The following CROCC variants were observed in gnomAD, a reference collection of about 807,000 sequenced individuals.
The protein encoded by CROCC is ciliary rootlet coiled-coil, rootletin.
In CROCC, 180 loss-of-function variants were observed where a neutral mutation model predicts 245.2. That is an observed-to-expected ratio of 0.73 (90% CI 0.65 to 0.83). The LOEUF (loss-of-function observed/expected upper bound fraction) is 0.83. Ranked by LOEUF, CROCC falls within the 40% of genes least tolerant of loss-of-function variation. CROCC has a pLI of 0.00. For missense variants in CROCC, 2,688 were observed against 2,779.4 expected, an observed-to-expected ratio of 0.97 and a Z score of 0.74; for synonymous variants, 1,205 against 1,241.6, an observed-to-expected ratio of 0.97 and a Z score of 0.62.
In CROCC at chr1:16,969,243, T is replaced by G. The variant is rs556066431; in HGVS notation, c.5204T>G (p.Leu1735Arg). 1 of 1,613,440 alleles carries G rather than the reference T, an allele frequency of 6.2e-7. No homozygotes were observed. Among genetic ancestry groups the G allele is most frequent in the South Asian group, 1.1e-5 (1 of 91,004 alleles). The change falls in exon 32 of 37, where the codon CTG (leucine) becomes CGG (arginine). Residue 1735 changes from leucine to arginine, a missense_variant. Transcript: ENST00000375541. ...RDKVRGLTEA[L>R]AQSSASLNST... ...AAGGTGCGGGGCCTGACAGAGGCCC[T>G]GGCCCAGAGCAGTGCCAGCCTCAAC...
intron 8 of CROCC, among the ~76,000 whole-genome samples, chr1:16,935,660 G>A (rs1294822675): frequency 6.6e-6 from 1 of 152,276 alleles, no homozygotes; most frequent in African/African-American, 2.4e-5. Context: ...TCCCGACCTC[G>A]TGATCCGCCC....
intron 35 of CROCC, among the ~76,000 whole-genome samples, chr1:16,971,192 CTGTG>C (rs1252442821): frequency 1.3e-5 from 2 of 148,492 alleles, no homozygotes; most frequent in African/African-American, 5.0e-5. Flanking sequence ...GCCTTTGTGC[CTGTG>C]TGTATGATGT....
rs774117686 is a variant in CROCC, at chr1:16,953,285, C to T, written c.3007-17C>T. 1.9e-5 allele frequency: 30 copies of T among 1,563,888 alleles called. No homozygotes were observed. The highest frequency in any genetic ancestry group is 1.2e-4 in the South Asian group (10 of 85,548). ...CCCCTCCTGGTGTGTCACAGGCATC[C>T]GGTCCTGGCCCCCTAGGAGGCAGCA... On this transcript the variant is annotated splice_polypyrimidine_tract_variant and intron_variant, in intron 20 of 36. Transcript: ENST00000375541.
At position 16,925,016 on chromosome 1, in the gene CROCC, G is replaced by T. The variant is rs2075501481; in HGVS notation, c.351+537G>T. On this transcript the variant is annotated intron_variant, in intron 3 of 36. Coordinates refer to ENST00000375541, the MANE Select transcript of CROCC (RefSeq NM_014675.5). Reference sequence around the variant, plus strand: ...CAGGCCTGTCTTCATGTCCAGGCAGGATTCACATCACCCGTGCTGCAGGCT... The same window carrying T: ...CAGGCCTGTCTTCATGTCCAGGCAGTATTCACATCACCCGTGCTGCAGGCT... Among the ~76,000 whole-genome samples the T allele has an allele frequency of 2.0e-5, 3 of 152,410 alleles. No individual in the cohort carries two copies. The South Asian group carries it at 6.2e-4, about 32-fold the overall frequency.
At chr1:16,920,545 G>A (rs1248653047), upstream of CROCC, among the ~76,000 whole-genome samples, 2 of 152,246 alleles carry the variant, frequency 1.3e-5, no homozygotes, top group African/African-American at 2.4e-5. Context: ...GAGGTAACCT[G>A]TTCAAGGTCT....
In CROCC at chr1:16,938,946, G is replaced by C. The variant is rs1294753011; in HGVS notation, c.1412G>C (p.Ser471Thr). 3 of 1,601,484 alleles carry C rather than the reference G, an allele frequency of 1.9e-6. No individual in the cohort carries two copies. The highest frequency in any genetic ancestry group is 1.8e-5 in the Admixed American group (1 of 55,866). Reference protein sequence around the residue: ...LSDSESGVQLSGSERTADASN... With the variant: ...LSDSESGVQLTGSERTADASN... ...GACTCTGAGAGCGGCGTCCAGCTGA[G>C]CGGCTCTGAGCGCACCGCGGATGCT... The change falls in exon 12 of 37, where the codon AGC becomes ACC. Residue 471 changes from serine (S) to threonine (T), a missense_variant. Coordinates refer to ENST00000375541, the MANE Select transcript of CROCC (RefSeq NM_014675.5).
rs1410790614 is a variant in CROCC, at chr1:16,948,459, G to T, written c.2643G>T (p.Leu881=). ...CGCTAGCCAAGGAGCACGCTGGCCT[G>T]GCTGTGCAGCTGGTGGCTGCGGAGC... ...KEALAKEHAG[L]AVQLVAAERE... is the part of the protein sequence containing the mutation. The change falls in exon 18 of 37, where the codon CTG becomes CTT. Residue 881 remains leucine, a synonymous_variant. Transcript: ENST00000375541. The T allele has an allele frequency of 1.3e-6, 2 of 1,560,548 alleles. No homozygotes were observed. Among genetic ancestry groups the T allele is most frequent in the South Asian group, 2.4e-5 (2 of 84,982 alleles).
Position 16,969,789 on chromosome 1 carries a change from G to A in CROCC, c.5306G>A (p.Arg1769Gln), listed in dbSNP as rs1255765801. 22 of 1,612,160 alleles carry A rather than the reference G, an allele frequency of 1.4e-5. 1 individual carries two copies. Among genetic ancestry groups the A allele is most frequent in the African/African-American group, 4.0e-5 (3 of 74,904 alleles). Reference sequence around the variant, plus strand: ...CCATCAGCCCCTGTCCCCCAGGAACGGCTGGATGCCGCCCGGCAGGCATTA... The same window carrying A: ...CCATCAGCCCCTGTCCCCCAGGAACAGCTGGATGCCGCCCGGCAGGCATTA... Reference protein sequence around the residue: ...CEHDRQVLQERLDAARQALSE... With the variant: ...CEHDRQVLQEQLDAARQALSE... Residue 1769 changes from arginine (R) to glutamine (Q), a missense_variant, in exon 33 of 37, where the codon CGG becomes CAG. Around this residue, in one of 9 missense-constraint regions of CROCC, gnomAD observed 1,218 missense variants for 1,286.3 expected, o/e 0.95. Coordinates refer to ENST00000375541, the MANE Select transcript of CROCC (RefSeq NM_014675.5).
chr1:16,923,968 G>A (rs544417179), intron 2 of CROCC, among the ~76,000 whole-genome samples: 130 of 152,282 alleles, frequency 8.5e-4, no homozygotes, highest in African/African-American at 3.1e-3. Flanking sequence ...GCGTGAGTCC[G>A]TGCCCGCCCC....
intron 2 of CROCC, 81 bp from the exon 3 acceptor site, chr1:16,924,244 T>A: frequency 1.3e-6 from 2 of 1,541,902 alleles, no homozygotes; most frequent in South Asian, 1.2e-5. Context: ...GGGGCCTGGA[T>A]GGTTTTCTTG....
intron 21 of CROCC, chr1:16,953,979 A>C: frequency 7.6e-6 from 3 of 394,264 alleles, no homozygotes; most frequent in Non-Finnish European, 1.3e-5. Context: ...GGGTAGAAAG[A>C]AAGACTCTGC....
chr1:16,914,522 C>G (rs906237017), intron 1 of CROCC, among the ~76,000 whole-genome samples: 1 of 152,288 alleles, frequency 6.6e-6, no homozygotes, highest in Admixed American at 6.5e-5. Flanking sequence ...CCTGCACTGC[C>G]CTCCTCGTGT....
At position 16,948,989 on chromosome 1, in the gene CROCC, G is replaced by T. The variant is rs1169998817; in HGVS notation, c.2836+63G>T. On this transcript the variant is annotated intron_variant, in intron 19 of 36. Transcript: ENST00000375541. ...CCAGCCCAGACTGCAGCCTCCCAAG[G>T]TCTGGGGTCTCACAGAAGTTGGGAG... 27 of 1,580,488 alleles carry T rather than the reference G, an allele frequency of 1.7e-5. No homozygotes were observed. In the African/African-American group the frequency reaches 1.9e-4, roughly 11 times the overall value.
intron 3 of CROCC, among the ~76,000 whole-genome samples, chr1:16,928,184 G>A (rs1403017777): frequency 6.6e-6 from 1 of 152,284 alleles, no homozygotes; most frequent in Non-Finnish European, 1.5e-5. Flanking sequence ...CAGGTCCTGA[G>A]GATGCAGATG....
chr1:16,949,609 G>A (rs1419928142), intron 19 of CROCC, among the ~76,000 whole-genome samples: 3 of 152,212 alleles, frequency 2.0e-5, no homozygotes, highest in African/African-American at 4.8e-5. Context: ...GTGCAGCTGT[G>A]GGAAGTTGCT....
Position 16,937,721 on chromosome 1 carries a change from A to T in CROCC, c.1274A>T (p.Glu425Val). 1 of 1,610,384 alleles carries T rather than the reference A, an allele frequency of 6.2e-7. No homozygotes were observed. The highest frequency in any genetic ancestry group is 8.5e-7 in the Non-Finnish European group (1 of 1,178,888). ...GATCAGGTCAACAAGGACCTCACTG[A>T]GAAGCTTGAGGCCCTGGTGAGCTGC... ...EKDQVNKDLT[E>V]KLEALESLRL... Residue 425 changes from glutamate to valine, a missense_variant, in exon 10 of 37, where the codon GAG (glutamate) becomes GTG (valine). Around this residue, in one of 9 missense-constraint regions of CROCC, gnomAD observed 972 missense variants for 895.3 expected, o/e 1.09. Coordinates refer to ENST00000375541, the MANE Select transcript of CROCC (RefSeq NM_014675.5).
chr1:16,963,070 C>T (rs1363328251), intron 27 of CROCC, among the ~76,000 whole-genome samples: 1 of 151,430 alleles, frequency 6.6e-6, no homozygotes, highest in Non-Finnish European at 1.5e-5. Flanking sequence ...GTAATCCCAG[C>T]TACTCGGGAG....
chr1:16,944,297 G>C lies in CROCC; in HGVS notation c.1991+15G>C. The stretch of plus-strand genomic sequence containing the variant: ...CTTGAGCGCAGGTGAGCAGCATCTC[G>C]CCACCCTGCCAGGACCCTTCAGATG... On this transcript the variant is annotated intron_variant, in intron 14 of 36. Coordinates refer to ENST00000375541, the MANE Select transcript of CROCC (RefSeq NM_014675.5). 1 of 1,520,336 alleles carries C rather than the reference G, an allele frequency of 6.6e-7. No individual in the cohort carries two copies. Among genetic ancestry groups the C allele is most frequent in the Non-Finnish European group, 8.8e-7 (1 of 1,132,476 alleles). 94.2% of individuals were successfully genotyped at this position (1,520,336 alleles called of 1,614,324 possible). A position where few individuals can be genotyped will look rare whatever the true frequency, so the allele number is the denominator to read the frequency against.
At position 16,931,348 on chromosome 1, in the gene CROCC, G is replaced by T; in HGVS notation, c.907G>T (p.Val303Leu). Residue 303 changes from valine (V) to leucine (L), a missense_variant, in exon 8 of 37, where the codon GTG becomes TTG. By Grantham distance (32) the Val-to-Leu change is conservative (BLOSUM62 1). Around this residue, in one of 9 missense-constraint regions of CROCC, gnomAD observed 972 missense variants for 895.3 expected, o/e 1.09. Transcript: ENST00000375541. ...HSRLLLLWRQ[V>L]VGFRRLVSEV... ...TCGCCTGCTCCTCCTCTGGAGGCAG[G>T]TGGTGGGGTTCCGGCGGCTGGTCAG... The T allele has an allele frequency of 6.2e-7, 1 of 1,612,894 alleles. No individual in the cohort carries two copies.
Sources: gnomAD v4.1 joint callset for allele counts (sites outside exome capture counted in the v4.1 genomes callset) on GRCh38, gnomAD v4.1.1 for gene constraint, gnomAD v4.1.1 regional missense constraint, MANE v1.5 for transcripts, NCBI Gene and HGNC (gene_info 2026-07-23, HGNC 2026-07-21) for gene names.